Variants in GSN observed in about 807,000 individuals in gnomAD.
GSN encodes gelsolin, also known as actin-depolymerizing factor.
Under a neutral mutation model 85.7 loss-of-function variants are expected in GSN, and 56 were observed. The ratio of observed to expected loss-of-function variants is 0.65; its 90% confidence interval spans 0.53 to 0.82. The LOEUF (loss-of-function observed/expected upper bound fraction) is 0.82, where lower values mean the gene tolerates loss of function less well. Among genes scored for constraint, GSN ranks in the 40% least tolerant of loss-of-function variants. GSN has a pLI of 0.00. For synonymous variants in GSN, 373 were observed against 399.1 expected, an observed-to-expected ratio of 0.93 and a Z score of 0.78; for missense variants, 857 against 979.8, an observed-to-expected ratio of 0.87 and a Z score of 1.67.
chr9:121,229,860 A>G (rs2054353190), intron 4 of GSN, among the ~76,000 whole-genome samples: 1 of 152,200 alleles, frequency 6.6e-6, no homozygotes, highest in African/African-American at 2.4e-5. Flanking sequence ...TACCTGAATC[A>G]ATTATTTCTA....
At chr9:121,327,126 A>T in intron 13 of GSN, 182 bp from the exon 14 acceptor site, 1 of 746,272 alleles carries the variant, frequency 1.3e-6, no homozygotes, top group South Asian at 1.4e-5. Context: ...ACAGTGCATT[A>T]GTGACTCATG....
rs1314373375 is a variant in GSN, at chr9:121,301,971, C to G, written c.-1C>G. ...GCCCTGTCTCATCCCAGCCCAACAG[C>G]ATGGTGGTGGAACACCCCGAGTTCC... is the stretch of plus-strand genomic sequence containing the variant. On this transcript the variant is annotated 5_prime_UTR_variant, in exon 3 of 18. Transcript: ENST00000432226. 1 of 1,614,184 alleles carries G rather than the reference C, an allele frequency of 6.2e-7. No homozygotes were observed.
intron 2 of GSN, among the ~76,000 whole-genome samples, chr9:121,293,194 A>G (rs547303466): frequency 9.8e-5 from 15 of 152,314 alleles, no homozygotes; most frequent in African/African-American, 3.6e-4. Context: ...TGAAGGATGA[A>G]TCTGATCCCT....
intron 4 of GSN, chr9:121,222,913 T>C (rs954966153): frequency 7.9e-5 from 12 of 151,808 alleles, no homozygotes; most frequent in African/African-American, 2.9e-4. Context: ...GTCTTACACA[T>C]TGGCATGCTG....
At position 121,310,501 on chromosome 9, in the gene GSN, C is replaced by G. The variant is rs970516968; in HGVS notation, c.352-183C>G. ...CTTTCCTAAACCTCAGTTTCCTACT[C>G]TGAAACAGTCTCAAACAAGATAATG... On this transcript the variant is annotated intron_variant, in intron 4 of 17. Transcript: ENST00000432226. The G allele has an allele frequency of 5.9e-6, 4 of 675,726 alleles. No individual in the cohort carries two copies. In the African/African-American group the frequency reaches 7.1e-5, roughly 12 times the overall value. The allele number at this position is 675,726 out of a possible 1,614,324, so 41.9% of individuals were successfully genotyped here.
At chr9:121,222,054 A>C (rs1163222336) in intron 4 of GSN, 1 of 152,134 alleles carries the variant, frequency 6.6e-6, no homozygotes, top group Non-Finnish European at 1.5e-5. Flanking sequence ...TCCAGCAGGA[A>C]AGTCTCCTGT....
chr9:121,240,736 A>G (rs1166350269), intron 5 of GSN, among the ~76,000 whole-genome samples: 1 of 152,202 alleles, frequency 6.6e-6, no homozygotes, highest in African/African-American at 2.4e-5. Context: ...AGGGGCGGCC[A>G]CTAAAGATGG....
intron 16 of GSN, 38 bp from the exon 17 acceptor site, chr9:121,331,350 A>T: frequency 1.5e-6 from 2 of 1,369,940 alleles, no homozygotes; most frequent in Non-Finnish European, 2.1e-6. Context: ...TTTGATCAGC[A>T]CTCCTCATGT....
chr9:121,307,139 C>T (rs896777983), intron 4 of GSN, among the ~76,000 whole-genome samples: 1 of 151,636 alleles, frequency 6.6e-6, no homozygotes, highest in Non-Finnish European at 1.5e-5. Flanking sequence ...CGAGATCGTA[C>T]CACTGCATTC....
At chr9:121,223,894 A>G (rs1264738689) in intron 4 of GSN, among the ~76,000 whole-genome samples, 1 of 152,036 alleles carries the variant, frequency 6.6e-6, no homozygotes, top group African/African-American at 2.4e-5. Context: ...CTTGGGCTCA[A>G]GTAATCCACC....
chr9:121,328,432 G>A (rs912294154), intron 14 of GSN, among the ~76,000 whole-genome samples: 1 of 152,170 alleles, frequency 6.6e-6, no homozygotes, highest in Non-Finnish European at 1.5e-5. Flanking sequence ...ACTTTTAGTC[G>A]AATTTAATTT....
intron 3 of GSN, among the ~76,000 whole-genome samples, 182 bp downstream of exon 3, chr9:121,302,349 C>A (rs532418098): frequency 5.9e-5 from 9 of 152,316 alleles, no homozygotes; most frequent in Non-Finnish European, 1.2e-4. Context: ...CCCACTCTGC[C>A]CCTAACCCAT....
intron 4 of GSN, among the ~76,000 whole-genome samples, chr9:121,304,850 AGTG>A: frequency 6.6e-6 from 1 of 152,114 alleles, no homozygotes; most frequent in African/African-American, 2.4e-5. Context: ...GGGGTGCCCA[AGTG>A]AAGAAGGTGG....
At chr9:121,305,083 G>T (rs1391305857) in intron 4 of GSN, among the ~76,000 whole-genome samples, 4 of 152,176 alleles carry the variant, frequency 2.6e-5, no homozygotes, top group African/African-American at 4.8e-5. Flanking sequence ...TTACAAATAT[G>T]AGAGTTCTCA....
At chr9:121,312,525 C>T in intron 6 of GSN, 37 bp downstream of exon 6, 1 of 1,558,572 alleles carries the variant, frequency 6.4e-7, no homozygotes, top group Non-Finnish European at 8.7e-7. Context: ...GCCATGGGGA[C>T]ACGCTGCTCA....
chr9:121,302,962 A>G lies in GSN; in HGVS notation c.248A>G (p.Gln83Arg). 5.6e-6 allele frequency: 9 copies of G among 1,614,038 alleles called. No individual in the cohort carries two copies. The highest frequency in any genetic ancestry group is 5.9e-6 in the Non-Finnish European group (7 of 1,180,006). Residue 83 changes from glutamine to arginine, a missense_variant, in exon 4 of 18, where the codon CAG (glutamine) becomes CGG (arginine). Transcript: ENST00000432226. ...ESGAAAIFTVQLDDYLNGRAV... is the reference protein window; with the variant it reads ...ESGAAAIFTVRLDDYLNGRAV... ...GGGGCGGCCGCCATCTTTACCGTGC[A>G]GCTGGATGACTACCTGAACGGCCGG...
At chr9:121,296,253 T>C (rs904512722) in intron 2 of GSN, among the ~76,000 whole-genome samples, 1 of 152,146 alleles carries the variant, frequency 6.6e-6, no homozygotes, top group Non-Finnish European at 1.5e-5. Flanking sequence ...GTCAGACTTG[T>C]GTTTGAATCT....
At chr9:121,205,396 A>T (rs1409295845), upstream of GSN, among the ~76,000 whole-genome samples, 1 of 152,222 alleles carries the variant, frequency 6.6e-6, no homozygotes, top group Non-Finnish European at 1.5e-5. Flanking sequence ...CTGCAGGAAG[A>T]TGGGACTGAC....
rs568889558 is a variant in GSN, at chr9:121,240,882, C to T, written c.-388-7394C>T. On this transcript the variant is annotated intron_variant, in intron 5 of 24. Transcript: ENST00000373823. ...GGAGCCATTTTAGTCATCTGGAAAA[C>T]GCAGAGTTGTGGGGAAATGCAGTGT... Among the ~76,000 whole-genome samples, 6 of 152,328 alleles carry T rather than the reference C, an allele frequency of 3.9e-5. No individual in the cohort carries two copies. The South Asian group carries it at 8.3e-4, about 21-fold the overall frequency.
Sources: allele counts gnomAD v4.1 joint callset (sites outside exome capture counted in the v4.1 genomes callset), GRCh38; gene constraint gnomAD v4.1.1; transcripts MANE v1.5; gene names NCBI Gene and HGNC (gene_info 2026-07-23, HGNC 2026-07-21).